Variants in TAFA1 observed in about 807,000 individuals in gnomAD.
TAFA1 encodes the protein chemokine-like protein TAFA-1.
TAFA1 carries 4 observed loss-of-function variants against 18.5 expected under a neutral mutation model. That is an observed-to-expected ratio of 0.22 (90% CI 0.11 to 0.49). TAFA1 has a LOEUF of 0.49. TAFA1 is among the 20% of genes least tolerant of loss of function. The pLI is 0.98. For synonymous variants in TAFA1, 56 were observed against 55.2 expected (o/e 1.01, Z -0.06); for missense variants, 147 against 169.0 (o/e 0.87, Z 0.72).
At chr3:68,206,232 A>C (rs1470573064) in intron 2 of TAFA1, among the ~76,000 whole-genome samples, 1 of 151,856 alleles carries the variant, frequency 6.6e-6, no homozygotes, top group African/African-American at 2.4e-5. Context: ...ATGATGGCCG[A>C]TTTGAATTTA....
chr3:68,379,582 G>A (rs1224977251), intron 2 of TAFA1, among the ~76,000 whole-genome samples: 3 of 152,092 alleles, frequency 2.0e-5, no homozygotes, highest in African/African-American at 7.2e-5. Context: ...GCTTTGTCAA[G>A]AATGGTATTG....
chr3:68,141,911 C>A (rs146009991), intron 2 of TAFA1, among the ~76,000 whole-genome samples: 1 of 152,174 alleles, frequency 6.6e-6, no homozygotes, highest in Non-Finnish European at 1.5e-5. Flanking sequence ...TGAAAAGAAC[C>A]AGTTCAGCAA....
Position 68,487,024 on chromosome 3 carries a change from A to C in TAFA1, c.260-51732A>C, listed in dbSNP as rs2072355711. Reference sequence around the variant, plus strand: ...AAATACCAGAAATAACAGTAATTTTATCCTTTGAGATCCGATGAATCCAAG... The same window carrying C: ...AAATACCAGAAATAACAGTAATTTTCTCCTTTGAGATCCGATGAATCCAAG... On this transcript the variant is annotated intron_variant, in intron 3 of 4. Transcript: ENST00000478136. 2.0e-5 allele frequency among the ~76,000 whole-genome samples: 3 copies of C among 152,198 alleles called. No individual in the cohort carries two copies. In the South Asian group the frequency reaches 6.2e-4, roughly 32 times the overall value.
intron 2 of TAFA1, among the ~76,000 whole-genome samples, chr3:68,400,927 A>C (rs987932657): frequency 2.6e-5 from 4 of 152,190 alleles, no homozygotes; most frequent in Non-Finnish European, 4.4e-5. Context: ...ATAGGACAGA[A>C]AAATATTTTT....
chr3:68,134,090 G>GA (rs71112615), intron 2 of TAFA1, among the ~76,000 whole-genome samples: 71,875 of 141,162 alleles, frequency 0.51, 19,203 homozygotes, highest in South Asian at 0.62. Flanking sequence ...AAAACAATGA[G>GA]AAAAAAAAAA....
intron 2 of TAFA1, among the ~76,000 whole-genome samples, chr3:68,249,707 A>G (rs1323658865): frequency 1.3e-5 from 2 of 152,180 alleles, no homozygotes; most frequent in African/African-American, 4.8e-5. Flanking sequence ...ACTGAAAGGG[A>G]AAATCAGAAA....
chr3:68,339,516 A>T (rs564353190), intron 2 of TAFA1, among the ~76,000 whole-genome samples: 1 of 152,332 alleles, frequency 6.6e-6, no homozygotes, highest in African/African-American at 2.4e-5. Context: ...ATACTACATG[A>T]GAAACAGAGG....
intron 2 of TAFA1, among the ~76,000 whole-genome samples, chr3:68,342,870 A>G (rs1023533656): frequency 6.6e-6 from 1 of 152,226 alleles, no homozygotes; most frequent in Admixed American, 6.5e-5. Context: ...GGAGAATTTA[A>G]TAACTATAAT....
intron 2 of TAFA1, among the ~76,000 whole-genome samples, chr3:68,234,906 T>A (rs142416192): frequency 4.2e-4 from 64 of 152,326 alleles, no homozygotes; most frequent in African/African-American, 1.4e-3. Context: ...TTTCTGTGAA[T>A]CCTTGGCAGT....
At chr3:68,196,051 A>G (rs1401414363) in intron 2 of TAFA1, among the ~76,000 whole-genome samples, 3 of 151,754 alleles carry the variant, frequency 2.0e-5, no homozygotes, top group African/African-American at 7.2e-5. Context: ...AAAATGGGCC[A>G]CAGATCACAA....
the TAFA1 span, among the ~76,000 whole-genome samples, chr3:67,998,117 G>A: frequency 6.6e-6 from 1 of 151,622 alleles, no homozygotes; most frequent in Non-Finnish European, 1.5e-5. Context: ...CACCAAATAG[G>A]CATGTTTGGA....
intron 2 of TAFA1, among the ~76,000 whole-genome samples, chr3:68,264,339 A>G (rs2067498165): frequency 6.6e-6 from 1 of 152,174 alleles, no homozygotes; most frequent in African/African-American, 2.4e-5. Flanking sequence ...GATGGCAAAT[A>G]TTGGGCACAC....
chr3:68,378,149 A>G (rs575352117), intron 2 of TAFA1, among the ~76,000 whole-genome samples: 1 of 152,202 alleles, frequency 6.6e-6, no homozygotes, highest in Admixed American at 6.5e-5. Flanking sequence ...GAAGAGGGCC[A>G]CCATCCTCTA....
chr3:68,402,954 C>T (rs558064852), intron 2 of TAFA1, among the ~76,000 whole-genome samples: 69 of 152,314 alleles, frequency 4.5e-4, no homozygotes, highest in African/African-American at 1.4e-3. Context: ...AAGAATAATA[C>T]AGTCATCTGT....
chr3:68,248,609 A>G (rs1056355623), intron 2 of TAFA1, among the ~76,000 whole-genome samples: 1 of 151,698 alleles, frequency 6.6e-6, no homozygotes, highest in African/African-American at 2.4e-5. Context: ...ATGACTCTGT[A>G]TGGCAGATGC....
At chr3:68,460,310 C>A (rs1329757645) in intron 3 of TAFA1, among the ~76,000 whole-genome samples, 2 of 152,254 alleles carry the variant, frequency 1.3e-5, no homozygotes, top group South Asian at 4.1e-4. Flanking sequence ...CAGGTCCTCT[C>A]GTCTTACCTC....
Position 68,267,066 on chromosome 3 carries a change from C to T in TAFA1, c.119-150214C>T, listed in dbSNP as rs150222468. Among the ~76,000 whole-genome samples the T allele has an allele frequency of 2.9e-3, 449 of 152,240 alleles. 3 individuals carry two copies. The highest frequency in any genetic ancestry group is 6.9e-3 in the Admixed American group (106 of 15,270). On this transcript the variant is annotated intron_variant, in intron 2 of 4. Coordinates refer to ENST00000478136, the MANE Select transcript of TAFA1 (RefSeq NM_213609.4). ...GCAAATAATCCTCCTCCCTAGGGAA[C>T]GCATTAACAAGAGAAAGCTGAGTTT...
At chr3:68,148,226 G>C (rs901542641) in intron 2 of TAFA1, among the ~76,000 whole-genome samples, 1 of 152,128 alleles carries the variant, frequency 6.6e-6, no homozygotes, top group African/African-American at 2.4e-5. Context: ...TACATATTGT[G>C]CCACAAATTT....
intron 2 of TAFA1, among the ~76,000 whole-genome samples, chr3:68,356,314 A>G (rs1451652652): frequency 6.6e-6 from 1 of 151,920 alleles, no homozygotes; most frequent in African/African-American, 2.4e-5. Flanking sequence ...TATATATTAT[A>G]TGATTAAAAC....
Sources: gnomAD v4.1 joint callset for allele counts (sites outside exome capture counted in the v4.1 genomes callset) on GRCh38, gnomAD v4.1.1 for gene constraint, MANE v1.5 for transcripts, NCBI Gene and HGNC (gene_info 2026-07-23, HGNC 2026-07-21) for gene names.